TMEM266: variants seen among roughly 807,000 people sequenced by gnomAD.
TMEM266 encodes the protein Hv1 related protein 1.
A neutral mutation model predicts 50.5 loss-of-function variants in TMEM266; 33 were observed. The ratio of observed to expected loss-of-function variants is 0.65; its 90% CI spans 0.50 to 0.87. The LOEUF (loss-of-function observed/expected upper bound fraction) is 0.87. TMEM266 is among the 40% of genes least tolerant of loss of function. The pLI is 0.00. For missense variants in TMEM266, 655 were observed against 695.1 expected, an observed-to-expected ratio of 0.94 and a Z score of 0.65; for synonymous variants, 310 against 292.3, an observed-to-expected ratio of 1.06 and a Z score of -0.62.
intron 1 of TMEM266, among the ~76,000 whole-genome samples, chr15:76,061,421 A>T (rs1036075583): frequency 1.5e-4 from 23 of 152,244 alleles, no homozygotes; most frequent in African/African-American, 5.3e-4. Context: ...AGTCAGGGAC[A>T]GGGTAAGGAT....
Position 76,192,030 on chromosome 15 carries a change from C to T in TMEM266, c.831C>T (p.Arg277=), listed in dbSNP as rs1356488080. 12 of 1,567,380 alleles carry T rather than the reference C, an allele frequency of 7.7e-6. No homozygotes were observed. The highest frequency in any genetic ancestry group is 1.0e-5 in the Non-Finnish European group (12 of 1,162,680). ...AGGACCTGGACCTGGCTGCCGAGCG[C>T]GAAGCGGCGCTCCAGGCCCCGCACG... Residue 277 remains arginine (R), a synonymous_variant, in exon 9 of 11, where the codon CGC becomes CGT. Transcript: ENST00000388942.
At chr15:76,075,890 T>A (rs2036600401) in intron 1 of TMEM266, among the ~76,000 whole-genome samples, 1 of 133,472 alleles carries the variant, frequency 7.5e-6, no homozygotes, top group African/African-American at 2.9e-5. Context: ...ACGGGCTTTT[T>A]TTGTGTCCCG....
intron 1 of TMEM266, among the ~76,000 whole-genome samples, chr15:76,104,205 C>CAAA (rs55768096): frequency 2.1e-4 from 31 of 147,240 alleles, no homozygotes; most frequent in African/African-American, 6.5e-4. Flanking sequence ...GATTCTGTCT[C>CAAA]AAAAAAAAAA....
chr15:76,130,088 G>A (rs143848946), intron 1 of TMEM266, among the ~76,000 whole-genome samples: 34 of 151,500 alleles, frequency 2.2e-4, no homozygotes, highest in African/African-American at 8.2e-4. Context: ...GCCGGGTGTG[G>A]TGGCTTGTGC....
At chr15:76,101,275 A>T (rs2036995942) in intron 1 of TMEM266, among the ~76,000 whole-genome samples, 1 of 152,246 alleles carries the variant, frequency 6.6e-6, no homozygotes, top group African/African-American at 2.4e-5. Context: ...TGACAACTAC[A>T]GTAGTCTTCT....
rs1409000001 is a variant in TMEM266 at position 76,156,511 on chromosome 15, G to C, written c.228-93G>C. On this transcript the variant is annotated intron_variant, in intron 3 of 10. Coordinates refer to ENST00000388942, the MANE Select transcript of TMEM266 (RefSeq NM_152335.3). ...AGGGAGAGAGCCCGGGAGGAGTGACGCTGGTGGGTTTGAGAGCAGGGCTTT... is the reference window on the plus strand; with the variant it reads ...AGGGAGAGAGCCCGGGAGGAGTGACCCTGGTGGGTTTGAGAGCAGGGCTTT... 3.0e-6 allele frequency: 4 copies of C among 1,355,072 alleles called. No individual in the cohort carries two copies. The African/African-American group carries it at 5.8e-5, about 20-fold the overall frequency. The allele number at this position is 1,355,072 out of a possible 1,614,324, so 83.9% of individuals were successfully genotyped here. A position where few individuals can be genotyped will look rare whatever the true frequency, so the allele number is the denominator to read the frequency against.
intron 8 of TMEM266, among the ~76,000 whole-genome samples, chr15:76,183,539 C>T (rs1057062481): frequency 7.9e-5 from 12 of 152,134 alleles, no homozygotes; most frequent in Admixed American, 2.0e-4. Context: ...GCTCTGCCCC[C>T]GTTTTATTGG....
intron 1 of TMEM266, among the ~76,000 whole-genome samples, chr15:76,108,125 A>T (rs1225208201): frequency 6.6e-6 from 1 of 152,156 alleles, no homozygotes; most frequent in Non-Finnish European, 1.5e-5. Flanking sequence ...CGGGGGCACC[A>T]CCCCCAGCTT....
chr15:76,201,216 A>C (rs1270904202), intron 9 of TMEM266, among the ~76,000 whole-genome samples: 3 of 152,014 alleles, frequency 2.0e-5, no homozygotes, highest in African/African-American at 7.3e-5. Context: ...ACACCTGACC[A>C]AGTTCAGACC....
intron 1 of TMEM266, chr15:76,112,577 A>G (rs2037186116): frequency 6.6e-6 from 1 of 152,178 alleles, no homozygotes; most frequent in Admixed American, 6.5e-5. Context: ...TCTGCTGCAG[A>G]TGGCACCTCC....
intron 1 of TMEM266, among the ~76,000 whole-genome samples, chr15:76,075,554 GGGACCCCTCAATCA>G: frequency 6.6e-6 from 1 of 151,978 alleles, no homozygotes; most frequent in Admixed American, 6.6e-5. Flanking sequence ...CGACATGTTG[GGGACCCCTCAATCA>G]GGCAATTCTC....
intron 2 of TMEM266, among the ~76,000 whole-genome samples, chr15:76,135,874 C>T (rs763001498): frequency 9.9e-5 from 15 of 151,866 alleles, no homozygotes; most frequent in South Asian, 2.1e-4. Context: ...CCTTAGTTAT[C>T]GGATAATCCA....
chr15:76,158,188 A>G (rs1261945999), intron 4 of TMEM266, among the ~76,000 whole-genome samples: 1 of 152,044 alleles, frequency 6.6e-6, no homozygotes, highest in Admixed American at 6.6e-5. Context: ...GGTCTGTCCA[A>G]GCTCCCTCCA....
Position 76,156,764 on chromosome 15 carries a change from T to C in TMEM266, c.382+6T>C, listed in dbSNP as rs2037934431. 3 of 1,612,154 alleles carry C rather than the reference T, an allele frequency of 1.9e-6. No homozygotes were observed. The highest frequency in any genetic ancestry group is 1.3e-5 in the African/African-American group (1 of 74,986). ...AGATATAAAGCTTCTCCAGTGTGAG[T>C]AGCAAGAGAGATACATATGCCAATA... On this transcript the variant is annotated splice_donor_region_variant and intron_variant, in intron 4 of 10. Transcript: ENST00000388942.
intron 1 of TMEM266, among the ~76,000 whole-genome samples, chr15:76,094,106 G>A (rs2036891010): frequency 6.6e-6 from 1 of 152,056 alleles, no homozygotes; most frequent in Admixed American, 6.5e-5. Flanking sequence ...CTGTGCAGAA[G>A]CTCTTTAGTT....
intron 1 of TMEM266, among the ~76,000 whole-genome samples, chr15:76,110,294 C>T (rs2037151153): frequency 6.6e-6 from 1 of 152,302 alleles, no homozygotes; most frequent in Admixed American, 6.5e-5. Flanking sequence ...TAAGCCACCG[C>T]ACCATGCCAA....
intron 9 of TMEM266, among the ~76,000 whole-genome samples, chr15:76,200,057 C>T (rs1029237120): frequency 1.3e-5 from 2 of 152,100 alleles, no homozygotes; most frequent in African/African-American, 4.8e-5. Flanking sequence ...AGTTGACGTC[C>T]CTGGAAGGCC....
chr15:76,156,469 C>T (rs2037928250), intron 3 of TMEM266, 135 bp from the exon 4 acceptor site: 2 of 850,720 alleles, frequency 2.4e-6, no homozygotes, highest in Non-Finnish European at 3.7e-6. Context: ...TTGTGTTTCG[C>T]CATGAAGCCT....
chr15:76,077,767 G>A (rs534528324), intron 1 of TMEM266, among the ~76,000 whole-genome samples: 74 of 152,168 alleles, frequency 4.9e-4, no homozygotes, highest in Non-Finnish European at 1.0e-3. Context: ...GCCTTAGAGG[G>A]AGCTAGGCCC....
Sources: gnomAD v4.1 joint callset for allele counts (sites outside exome capture counted in the v4.1 genomes callset) on GRCh38, gnomAD v4.1.1 for gene constraint, MANE v1.5 for transcripts, NCBI Gene and HGNC (gene_info 2026-07-23, HGNC 2026-07-21) for gene names.